The following JARID2 variants were observed in gnomAD, a reference collection of about 807,000 sequenced individuals.
JARID2 encodes the protein protein Jumonji.
JARID2 carries 21 observed loss-of-function variants against 125.6 expected under a neutral mutation model. The ratio of observed to expected loss-of-function variants is 0.17; its 90% CI spans 0.12 to 0.24. The LOEUF (loss-of-function observed/expected upper bound fraction) is 0.24. JARID2 is among the 10% of genes least tolerant of loss of function. The pLI, the probability that JARID2 is intolerant of heterozygous loss-of-function variation, is 1.00. For synonymous variants in JARID2, 736 were observed against 661.6 expected (o/e 1.11, Z -1.73); for missense variants, 1,303 against 1,639.6 (o/e 0.79, Z 3.55).
At chr6:15,312,119 G>A (rs1160219155) in intron 1 of JARID2, among the ~76,000 whole-genome samples, 1 of 152,056 alleles carries the variant, frequency 6.6e-6, no homozygotes, top group Admixed American at 6.5e-5. Flanking sequence ...GCAGTGGTGC[G>A]ATCTTGGCTC....
At chr6:15,458,088 G>C (rs1258858434) in intron 4 of JARID2, among the ~76,000 whole-genome samples, 2 of 152,104 alleles carry the variant, frequency 1.3e-5, no homozygotes, top group African/African-American at 4.8e-5. Context: ...TGGCACACGC[G>C]GGGAAGAGGG....
chr6:15,423,125 A>G (rs899145012), intron 3 of JARID2, among the ~76,000 whole-genome samples: 2 of 151,884 alleles, frequency 1.3e-5, no homozygotes, highest in Non-Finnish European at 2.9e-5. Context: ...TCAGCCTCCA[A>G]GTAGGTGGGA....
At chr6:15,275,668 A>G (rs1159727338) in intron 1 of JARID2, among the ~76,000 whole-genome samples, 2 of 152,010 alleles carry the variant, frequency 1.3e-5, no homozygotes, top group Non-Finnish European at 1.5e-5. Context: ...ACATTATTAA[A>G]TAGTGAATTT....
chr6:15,310,398 G>C (rs1761974057), intron 1 of JARID2, among the ~76,000 whole-genome samples: 2 of 152,170 alleles, frequency 1.3e-5, no homozygotes, highest in Non-Finnish European at 2.9e-5. Context: ...TTTGTAGATA[G>C]CATTAATACA....
chr6:15,257,858 G>A (rs966849735), intron 1 of JARID2, among the ~76,000 whole-genome samples: 1 of 152,140 alleles, frequency 6.6e-6, no homozygotes, highest in African/African-American at 2.4e-5. Flanking sequence ...CTCTCTCAGG[G>A]CATTTAGAAC....
chr6:15,495,667 A>G (rs1445005252), intron 6 of JARID2, among the ~76,000 whole-genome samples: 1 of 152,240 alleles, frequency 6.6e-6, no homozygotes, highest in Non-Finnish European at 1.5e-5. Context: ...GCACAGAAAT[A>G]GCAGACATGA....
At chr6:15,436,258 C>T (rs776253544) in intron 3 of JARID2, among the ~76,000 whole-genome samples, 21 of 152,138 alleles carry the variant, frequency 1.4e-4, no homozygotes, top group Non-Finnish European at 2.8e-4. Flanking sequence ...GGAGAATGAT[C>T]GCAAGGTTTT....
intron 1 of JARID2, among the ~76,000 whole-genome samples, chr6:15,310,505 T>C (rs1761976992): frequency 6.6e-6 from 1 of 152,174 alleles, no homozygotes; most frequent in Non-Finnish European, 1.5e-5. Context: ...AATTCTGCTG[T>C]AGGGATTCTT....
Position 15,246,397 on chromosome 6 carries a change from G to C in JARID2, c.-143G>C. 1.6e-6 allele frequency: 1 copy of C among 641,534 alleles called. No individual in the cohort carries two copies. The highest frequency in any genetic ancestry group is 1.9e-5 in the South Asian group (1 of 51,806). The allele number at this position is 641,534 out of a possible 1,614,324, so 39.7% of individuals were successfully genotyped here. A position where few individuals can be genotyped will look rare whatever the true frequency, so the allele number is the denominator to read the frequency against. ...TATTTCAAGGCGAATCTGGCTTTGGGGGAAGAGGAAGAAAAGTCGGATTAC... is the reference window on the plus strand; with the variant it reads ...TATTTCAAGGCGAATCTGGCTTTGGCGGAAGAGGAAGAAAAGTCGGATTAC... On this transcript the variant is annotated 5_prime_UTR_variant, in exon 1 of 18. Coordinates refer to ENST00000341776, the MANE Select transcript of JARID2 (RefSeq NM_004973.4).
At chr6:15,433,680 G>A (rs556899216) in intron 3 of JARID2, among the ~76,000 whole-genome samples, 2 of 152,172 alleles carry the variant, frequency 1.3e-5, no homozygotes, top group East Asian at 3.9e-4. Flanking sequence ...TGGCCAGGTC[G>A]ATGCACCCAC....
At chr6:15,388,181 GTT>G (rs1248063382) in intron 2 of JARID2, among the ~76,000 whole-genome samples, 1 of 152,116 alleles carries the variant, frequency 6.6e-6, no homozygotes, top group Non-Finnish European at 1.5e-5. Context: ...GACTAGGGTA[GTT>G]TTGCTGTGCT....
At chr6:15,299,537 G>A (rs1761529702) in intron 1 of JARID2, among the ~76,000 whole-genome samples, 1 of 152,316 alleles carries the variant, frequency 6.6e-6, no homozygotes, top group Middle Eastern at 3.4e-3. Flanking sequence ...TTTGGAGAAG[G>A]TAGAGTTGGA....
intron 2 of JARID2, among the ~76,000 whole-genome samples, chr6:15,389,246 C>T (rs901001016): frequency 2.0e-5 from 3 of 152,160 alleles, no homozygotes; most frequent in Admixed American, 6.5e-5. Flanking sequence ...CTGCAGCTTG[C>T]GTGCACCGCC....
At chr6:15,437,787 A>G (rs1025760670) in intron 3 of JARID2, among the ~76,000 whole-genome samples, 1 of 151,618 alleles carries the variant, frequency 6.6e-6, no homozygotes, top group African/African-American at 2.4e-5. Context: ...CTGGCAACAG[A>G]GTGAGACTCT....
intron 1 of JARID2, chr6:15,248,834 C>CGGCGGGGGGAGGAGGGAGCTG: frequency 1.2e-6 from 1 of 856,808 alleles, no homozygotes; most frequent in Non-Finnish European, 1.4e-6. Flanking sequence ...CGCGGCGGGG[C>CGGCGGGGGGAGGAGGGAGCTG]GGCGGGGGGA....
chr6:15,249,231 A>G (rs942629060), intron 1 of JARID2, among the ~76,000 whole-genome samples: 14 of 152,206 alleles, frequency 9.2e-5, no homozygotes, highest in Admixed American at 1.3e-4. Flanking sequence ...TGTCACTTGA[A>G]GTCGTGTTAG....
intron 11 of JARID2, 49 bp downstream of exon 11, chr6:15,507,465 C>G: frequency 1.3e-6 from 2 of 1,519,752 alleles, no homozygotes; most frequent in Non-Finnish European, 1.8e-6. Context: ...TCCATGAGTC[C>G]TACTTGCTGA....
intron 1 of JARID2, among the ~76,000 whole-genome samples, chr6:15,251,519 C>G (rs1561746789): frequency 6.6e-6 from 1 of 152,212 alleles, no homozygotes; most frequent in Non-Finnish European, 1.5e-5. Context: ...TGCAGTATGT[C>G]CTGACTGATA....
At chr6:15,249,080 T>G in intron 1 of JARID2, 1 of 353,752 alleles carries the variant, frequency 2.8e-6, no homozygotes, top group Non-Finnish European at 4.0e-6. Context: ...ATGTTTTCAC[T>G]TCCTCTGTTC....
Sources: allele counts gnomAD v4.1 joint callset (sites outside exome capture counted in the v4.1 genomes callset), GRCh38; gene constraint gnomAD v4.1.1; transcripts MANE v1.5; gene names NCBI Gene and HGNC (gene_info 2026-07-23, HGNC 2026-07-21).